CACNA1S: variants seen among roughly 807,000 people sequenced by gnomAD.
CACNA1S encodes calcium voltage-gated channel subunit alpha1 S, also known as voltage-dependent L-type calcium channel subunit alpha-1S.
A neutral mutation model predicts 207.4 loss-of-function variants in CACNA1S; 126 were observed. The observed-to-expected ratio is 0.61, with a 90% confidence interval of 0.53 to 0.70. The LOEUF (loss-of-function observed/expected upper bound fraction) is 0.70, where lower values mean the gene tolerates loss of function less well. Ranked by LOEUF, CACNA1S falls within the 30% of genes least tolerant of loss-of-function variation. The probability of loss-of-function intolerance (pLI) is 0.00; values close to 1 mark genes in which losing one functional copy is unlikely to be tolerated. For missense variants in CACNA1S, 2,349 were observed against 2,422.8 expected, an observed-to-expected ratio of 0.97 and a Z score of 0.64; for synonymous variants, 960 against 932.7, an observed-to-expected ratio of 1.03 and a Z score of -0.53.
intron 26 of CACNA1S, among the ~76,000 whole-genome samples, chr1:201,060,392 C>G (rs985581111): frequency 7.9e-5 from 12 of 152,192 alleles, no homozygotes; most frequent in African/African-American, 2.9e-4. Flanking sequence ...ACTTCCCACA[C>G]TTTCTCCTCC....
intron 2 of CACNA1S, among the ~76,000 whole-genome samples, chr1:201,108,535 G>A (rs549455210): frequency 6.6e-6 from 1 of 152,198 alleles, no homozygotes; most frequent in African/African-American, 2.4e-5. Flanking sequence ...CTGCATTCAG[G>A]GACATGGAGA....
At position 201,077,803 on chromosome 1, in the gene CACNA1S, A is replaced by G. The variant is rs917137847; in HGVS notation, c.1619+76T>C. ...CTGCACAGATCCCAGACCTCAGGAAATGAGATGGGTGTAGACCAGACCAGC... is the reference window on the plus strand; with the variant it reads ...CTGCACAGATCCCAGACCTCAGGAAGTGAGATGGGTGTAGACCAGACCAGC... On this transcript the variant is annotated intron_variant, in intron 11 of 43. Coordinates refer to ENST00000362061, the MANE Select transcript of CACNA1S (RefSeq NM_000069.3). 1.3e-5 allele frequency: 13 copies of G among 968,680 alleles called. No homozygotes were observed. The African/African-American group carries it at 2.1e-4, about 15-fold the overall frequency. The allele number at this position is 968,680 out of a possible 1,614,324, so 60.0% of individuals were successfully genotyped here. A position where few individuals can be genotyped will look rare whatever the true frequency, so the allele number is the denominator to read the frequency against.
rs1357286232 is a variant in CACNA1S, at chr1:201,112,363, C to A, written c.-24G>T. 1 of 1,613,692 alleles carries A rather than the reference C, an allele frequency of 6.2e-7. No homozygotes were observed. The highest frequency in any genetic ancestry group is 1.3e-5 in the African/African-American group (1 of 74,916). Reference sequence around the variant, plus strand: ...ATGGCTTCCCTGGGAATCTGGCTTTCTCCTGCTCCCCCACCCCAGTGCTTT... The same window carrying A: ...ATGGCTTCCCTGGGAATCTGGCTTTATCCTGCTCCCCCACCCCAGTGCTTT... On this transcript the variant is annotated 5_prime_UTR_variant, in exon 1 of 44. Coordinates refer to ENST00000362061, the MANE Select transcript of CACNA1S (RefSeq NM_000069.3).
chr1:201,099,216 C>T (rs1160466920), intron 2 of CACNA1S, among the ~76,000 whole-genome samples: 2 of 152,214 alleles, frequency 1.3e-5, no homozygotes, highest in African/African-American at 4.8e-5. Context: ...CTATCTGGGA[C>T]CACAGAGGCA....
chr1:201,103,347 A>T (rs1195275185), intron 2 of CACNA1S, among the ~76,000 whole-genome samples: 1 of 152,076 alleles, frequency 6.6e-6, no homozygotes, highest in Non-Finnish European at 1.5e-5. Flanking sequence ...TCTAGATTGG[A>T]GGCAGGTTGG....
At chr1:201,107,024 C>T (rs992208700) in intron 2 of CACNA1S, among the ~76,000 whole-genome samples, 14 of 152,238 alleles carry the variant, frequency 9.2e-5, no homozygotes, top group Non-Finnish European at 1.8e-4. Context: ...CCCAGGACCC[C>T]AGAGGGCAAA....
intron 1 of CACNA1S, among the ~76,000 whole-genome samples, chr1:201,111,502 G>A (rs544775963): frequency 2.6e-5 from 4 of 152,186 alleles, no homozygotes; most frequent in South Asian, 2.1e-4. Context: ...AGGGTGGCAC[G>A]TCTGAGCTAG....
In CACNA1S at chr1:201,061,263, G is replaced by A; in HGVS notation, c.3255+4C>T. 1 of 1,613,866 alleles carries A rather than the reference G, an allele frequency of 6.2e-7. No individual in the cohort carries two copies. Among genetic ancestry groups the A allele is most frequent in the Non-Finnish European group, 8.5e-7 (1 of 1,179,750 alleles). On this transcript the variant is annotated splice_donor_region_variant and intron_variant, in intron 25 of 43. Transcript: ENST00000362061. ...CCTCCACCTCTGGCAGGCAGCCCAGGCACCTGGTTCTTGTCCAGCTCACAG... is the reference window on the plus strand; with the variant it reads ...CCTCCACCTCTGGCAGGCAGCCCAGACACCTGGTTCTTGTCCAGCTCACAG...
intron 32 of CACNA1S, 142 bp from the exon 33 acceptor site, chr1:201,051,285 C>T: frequency 1.3e-6 from 1 of 767,798 alleles, no homozygotes; most frequent in South Asian, 1.5e-5. Flanking sequence ...TCTTCATGTT[C>T]ACTGTGTAGC....
In CACNA1S at chr1:201,053,273, G is replaced by C; in HGVS notation, c.3797C>G (p.Ala1266Gly). The C allele has an allele frequency of 6.2e-7, 1 of 1,614,164 alleles. No individual in the cohort carries two copies. The highest frequency in any genetic ancestry group is 8.5e-7 in the Non-Finnish European group (1 of 1,180,022). The change falls in exon 31 of 44, where the codon GCC (alanine) becomes GGC (glycine). Residue 1266 changes from alanine to glycine, a missense_variant and splice_region_variant. By Grantham distance (60) the Ala-to-Gly change is moderately conservative. Transcript: ENST00000362061. This position sits in a 1 kb window ranked among gnomAD's most constrained non-coding sequence, Gnocchi z 5.1. ...GATGAGCAGAGCCACGTAGGGTAGG[G>C]CCTGCAGGGCGGGCGGGAGCGCCAG... is the stretch of plus-strand genomic sequence containing the variant. Reference protein sequence around the residue: ...LLWTFIKSFQALPYVALLIVM... With the variant: ...LLWTFIKSFQGLPYVALLIVM...
intron 2 of CACNA1S, among the ~76,000 whole-genome samples, chr1:201,096,850 A>G (rs565221304): frequency 2.6e-5 from 4 of 152,184 alleles, no homozygotes; most frequent in South Asian, 2.1e-4. Flanking sequence ...ACTGTGTTCT[A>G]TTGGTTTCCA....
chr1:201,097,808 G>T (rs900629744), intron 2 of CACNA1S, among the ~76,000 whole-genome samples: 19 of 152,118 alleles, frequency 1.2e-4, no homozygotes, highest in Non-Finnish European at 2.6e-4. Flanking sequence ...GCTTGAGAAG[G>T]CACCGCCAAC....
chr1:201,066,912 C>T lies in CACNA1S; in HGVS notation c.2632G>A (p.Val878Met), dbSNP rs202131129. 5.5e-5 allele frequency: 88 copies of T among 1,613,976 alleles called. No homozygotes were observed. In the East Asian group the frequency reaches 6.7e-4, roughly 12 times the overall value. ...TCAAGTCCCATGGAGATGAGGGACACGGCCACCACCAGCAGGTCCAGCATG... is the reference window on the plus strand; with the variant it reads ...TCAAGTCCCATGGAGATGAGGGACATGGCCACCACCAGCAGGTCCAGCATG... ...FNMLDLLVVA[V>M]SLISMGLESS... Residue 878 changes from valine to methionine, a missense_variant, in exon 20 of 44, where the codon GTG becomes ATG. Physicochemically the swap from Val to Met is conservative, Grantham distance 21 (BLOSUM62 1). Transcript: ENST00000362061. This position sits in a 1 kb window ranked among gnomAD's most constrained non-coding sequence, Gnocchi z 4.3.
At chr1:201,079,722 A>C (rs1160266879) in intron 10 of CACNA1S, among the ~76,000 whole-genome samples, 1 of 152,132 alleles carries the variant, frequency 6.6e-6, no homozygotes, top group Non-Finnish European at 1.5e-5. Flanking sequence ...ATTGAAAGGA[A>C]CTGGCCACAG....
chr1:201,050,923 C>A, intron 33 of CACNA1S, 61 bp downstream of exon 33: 2 of 1,551,610 alleles, frequency 1.3e-6, no homozygotes, highest in South Asian at 2.2e-5. Context: ...GGCAGGCAGG[C>A]TCCCCCATGC....
At chr1:201,084,869 G>T in intron 9 of CACNA1S, 81 bp downstream of exon 9, 1 of 980,954 alleles carries the variant, frequency 1.0e-6, no homozygotes, top group Non-Finnish European at 1.6e-6. Context: ...TGAAACCACT[G>T]AGGGGAAGTA....
rs1400925263 is a variant in CACNA1S, at chr1:201,041,221, G to A, written c.5134+283C>T. 5.3e-5 allele frequency among the ~76,000 whole-genome samples: 8 copies of A among 152,278 alleles called. No individual in the cohort carries two copies. In the East Asian group the frequency reaches 1.5e-3, roughly 29 times the overall value. Reference sequence around the variant, plus strand: ...GGACTCCTGTGCTGGGGATGGTGTAGGGGGCTGTGTGAGTTTCCTGGGAGG... The same window carrying A: ...GGACTCCTGTGCTGGGGATGGTGTAAGGGGCTGTGTGAGTTTCCTGGGAGG... On this transcript the variant is annotated intron_variant, in intron 41 of 43. Coordinates refer to ENST00000362061, the MANE Select transcript of CACNA1S (RefSeq NM_000069.3).
At chr1:201,062,603 G>A (rs2275484) in intron 22 of CACNA1S, 89 bp from the exon 23 acceptor site, 49 of 1,162,126 alleles carry the variant, frequency 4.2e-5, no homozygotes, top group South Asian at 7.5e-5. Flanking sequence ...ACAGTGGAAG[G>A]GGGGAGGGAA....
At chr1:201,095,838 G>A (rs1662404063) in intron 2 of CACNA1S, among the ~76,000 whole-genome samples, 1 of 152,214 alleles carries the variant, frequency 6.6e-6, no homozygotes, top group Non-Finnish European at 1.5e-5. Flanking sequence ...TCCCTGGCAA[G>A]AGGAGCGGGC....
Sources: allele counts gnomAD v4.1 joint callset (sites outside exome capture counted in the v4.1 genomes callset), GRCh38; gene constraint gnomAD v4.1.1; non-coding constraint Gnocchi (gnomAD v3.1); transcripts MANE v1.5; gene names NCBI Gene and HGNC (gene_info 2026-07-23, HGNC 2026-07-21).